ADGRA3: variants seen among roughly 807,000 people sequenced by gnomAD.
The protein encoded by ADGRA3 is adhesion G protein-coupled receptor A3, also known as G-protein coupled receptor 125.
A neutral mutation model predicts 119.8 loss-of-function variants in ADGRA3; 56 were observed. The observed-to-expected ratio is 0.47, with a 90% CI of 0.38 to 0.58. ADGRA3 has a LOEUF of 0.58. Among genes scored for constraint, ADGRA3 ranks in the 20% least tolerant of loss-of-function variants. The pLI, the probability that ADGRA3 is intolerant of heterozygous loss-of-function variation, is 0.00. For synonymous variants in ADGRA3, 607 were observed against 623.8 expected (o/e 0.97, Z 0.40); for missense variants, 1,516 against 1,649.0 (o/e 0.92, Z 1.40).
intron 14 of ADGRA3, among the ~76,000 whole-genome samples, chr4:22,408,877 G>T (rs1327512353): frequency 6.6e-6 from 1 of 152,090 alleles, no homozygotes; most frequent in East Asian, 1.9e-4. Flanking sequence ...GGCTATCAAT[G>T]ATAAAATGAA....
intron 1 of ADGRA3, among the ~76,000 whole-genome samples, chr4:22,494,321 A>T (rs970742718): frequency 3.9e-5 from 6 of 151,938 alleles, no homozygotes; most frequent in African/African-American, 1.5e-4. Context: ...ATATGGTCTA[A>T]AAAGGGGAGG....
intron 1 of ADGRA3, among the ~76,000 whole-genome samples, chr4:22,490,946 C>T (rs1577380030): frequency 1.3e-5 from 2 of 152,024 alleles, no homozygotes; most frequent in South Asian, 4.2e-4. Context: ...TAAATGGCCC[C>T]AGAGAACCGA....
chr4:22,435,014 CT>C (rs1365564930), intron 10 of ADGRA3, among the ~76,000 whole-genome samples: 1 of 152,182 alleles, frequency 6.6e-6, no homozygotes, highest in Non-Finnish European at 1.5e-5. Flanking sequence ...CTAAGCAGCT[CT>C]GCCTAAGCCA....
intron 6 of ADGRA3, among the ~76,000 whole-genome samples, chr4:22,444,248 A>G (rs978626803): frequency 3.3e-5 from 5 of 152,136 alleles, no homozygotes; most frequent in African/African-American, 1.2e-4. Flanking sequence ...TTTCCTAAGA[A>G]TTAACTATAA....
At chr4:22,391,664 T>C (rs1465395871) in intron 17 of ADGRA3, among the ~76,000 whole-genome samples, 1 of 152,136 alleles carries the variant, frequency 6.6e-6, no homozygotes, top group African/African-American at 2.4e-5. Context: ...CTCCCTTAGT[T>C]AAAAATCTTC....
chr4:22,413,491 A>G, intron 13 of ADGRA3, 101 bp from the exon 14 acceptor site: 1 of 1,360,504 alleles, frequency 7.4e-7, no homozygotes, highest in South Asian at 1.2e-5. Flanking sequence ...ATCTTTCTTC[A>G]CTAGTGACTC....
intron 12 of ADGRA3, among the ~76,000 whole-genome samples, chr4:22,418,376 G>C (rs981807791): frequency 6.6e-6 from 1 of 152,146 alleles, no homozygotes; most frequent in African/African-American, 2.4e-5. Flanking sequence ...AAATAAAGGA[G>C]ACAAGGGTGG....
At chr4:22,513,319 A>G (rs1356029743) in intron 1 of ADGRA3, among the ~76,000 whole-genome samples, 1 of 151,084 alleles carries the variant, frequency 6.6e-6, no homozygotes, top group Non-Finnish European at 1.5e-5. Context: ...ACGCCCAGCT[A>G]ATTTTCTGTA....
chr4:22,473,832 T>C lies in ADGRA3; in HGVS notation c.269A>G (p.Asn90Ser), dbSNP rs1717942404. Residue 90 changes from asparagine (N) to serine (S), a missense_variant, in exon 2 of 19, where the codon AAC (asparagine) becomes AGC (serine). Coordinates refer to ENST00000334304, the MANE Select transcript of ADGRA3 (RefSeq NM_145290.4). The part of the protein sequence containing the change: ...PNRTVTLILS[N>S]NKISELKNGS... ...ATTCTTCAGCTCGGATATCTTATTGTTACTCAGAATCCTAAAAAATACCAA... is the reference window on the plus strand; with the variant it reads ...ATTCTTCAGCTCGGATATCTTATTGCTACTCAGAATCCTAAAAAATACCAA... 1 of 1,602,640 alleles carries C rather than the reference T, an allele frequency of 6.2e-7. No individual in the cohort carries two copies. The highest frequency in any genetic ancestry group is 8.5e-7 in the Non-Finnish European group (1 of 1,172,890).
intron 11 of ADGRA3, among the ~76,000 whole-genome samples, chr4:22,423,189 C>A (rs1228630863): frequency 6.6e-6 from 1 of 151,434 alleles, no homozygotes; most frequent in East Asian, 1.9e-4. Context: ...AGCAAAACTC[C>A]ATCCCCCCAA....
chr4:22,514,651 C>T (rs1431521118), intron 1 of ADGRA3: 1 of 152,166 alleles, frequency 6.6e-6, no homozygotes, highest in Non-Finnish European at 1.5e-5. Flanking sequence ...GAACAAAATA[C>T]CCATGAGAAA....
chr4:22,420,854 A>ATGT, intron 12 of ADGRA3, 32 bp downstream of exon 12: 6 of 1,579,872 alleles, frequency 3.8e-6, no homozygotes, highest in Non-Finnish European at 5.2e-6. Flanking sequence ...TTAACTGTAA[A>ATGT]TAGTCTTAAA....
chr4:22,447,404 T>C lies in ADGRA3; in HGVS notation c.545+36A>G, dbSNP rs749080125. On this transcript the variant is annotated intron_variant, in intron 5 of 18. Transcript: ENST00000334304. ...TTTAATTTTCAAAAAGACATGAAAA[T>C]CAAAAAAAAAAAGAGAGAAAAAAAT... is the stretch of plus-strand genomic sequence containing the variant. 8 of 1,169,846 alleles carry C rather than the reference T, an allele frequency of 6.8e-6. No homozygotes were observed. The African/African-American group carries it at 1.2e-4, about 18-fold the overall frequency. 72.5% of individuals were successfully genotyped at this position (1,169,846 alleles called of 1,614,324 possible).
intron 12 of ADGRA3, among the ~76,000 whole-genome samples, chr4:22,417,864 CATA>C (rs564474379): frequency 1.7e-4 from 26 of 152,216 alleles, no homozygotes; most frequent in African/African-American, 6.3e-4. Flanking sequence ...CAAGAAGATG[CATA>C]ATGACTAGCC....
chr4:22,433,354 C>T (rs982854170), intron 10 of ADGRA3, among the ~76,000 whole-genome samples: 10 of 152,116 alleles, frequency 6.6e-5, no homozygotes, highest in African/African-American at 2.4e-4. Context: ...ATTTCATAAC[C>T]TAATAAAATG....
At chr4:22,457,375 A>C in intron 3 of ADGRA3, among the ~76,000 whole-genome samples, 1 of 152,220 alleles carries the variant, frequency 6.6e-6, no homozygotes, top group Non-Finnish European at 1.5e-5. Flanking sequence ...AGAACCCATA[A>C]GAAAAACGGT....
chr4:22,404,354 A>C (rs1470814974), intron 14 of ADGRA3, among the ~76,000 whole-genome samples: 1 of 152,192 alleles, frequency 6.6e-6, no homozygotes, highest in Non-Finnish European at 1.5e-5. Context: ...TAGAATCATA[A>C]GTTCACAATC....
At position 22,454,928 on chromosome 4, in the gene ADGRA3, T is replaced by G; in HGVS notation, c.411A>C (p.Thr137=). The G allele has an allele frequency of 6.2e-7, 1 of 1,613,208 alleles. No individual in the cohort carries two copies. Among genetic ancestry groups the G allele is most frequent in the Non-Finnish European group, 8.5e-7 (1 of 1,179,178 alleles). The change falls in exon 4 of 19, where the codon ACA becomes ACC. Residue 137 remains threonine, a synonymous_variant. Coordinates refer to ENST00000334304, the MANE Select transcript of ADGRA3 (RefSeq NM_145290.4). The part of the protein sequence containing the change: ...GLSSLKRLDL[T]NNRIGCLNAD... ...CATTCAGACATCCTATTCGATTGTTTGTCAGATCCCTAAGGAGAAGGGTGG... is the reference window on the plus strand; with the variant it reads ...CATTCAGACATCCTATTCGATTGTTGGTCAGATCCCTAAGGAGAAGGGTGG...
intron 6 of ADGRA3, chr4:22,443,174 A>G (rs1716691354): frequency 1.6e-6 from 1 of 627,816 alleles, no homozygotes; most frequent in Non-Finnish European, 2.8e-6. Flanking sequence ...AAATGGCATC[A>G]GTGATAAGTA....
Sources: allele counts gnomAD v4.1 joint callset (sites outside exome capture counted in the v4.1 genomes callset), GRCh38; gene constraint gnomAD v4.1.1; transcripts MANE v1.5; gene names NCBI Gene and HGNC (gene_info 2026-07-23, HGNC 2026-07-21).